HSDL2: variants seen among roughly 807,000 people sequenced by gnomAD.
HSDL2 encodes hydroxysteroid dehydrogenase like 2, also known as hydroxysteroid dehydrogenase-like protein 2.
HSDL2 carries 27 observed loss-of-function variants against 46.3 expected under a neutral mutation model. The observed-to-expected ratio is 0.58, with a 90% CI of 0.43 to 0.80. The LOEUF (loss-of-function observed/expected upper bound fraction) is 0.80. Among genes scored for constraint, HSDL2 ranks in the 30% least tolerant of loss-of-function variants. The pLI, the probability that HSDL2 is intolerant of heterozygous loss-of-function variation, is 0.00. For missense variants in HSDL2, 451 were observed against 502.7 expected (o/e 0.90, Z 0.98); for synonymous variants, 153 against 163.6 (o/e 0.94, Z 0.50).
rs71382431 is a variant in HSDL2, at chr9:112,442,268, C to CA, written c.865+524dup. Among the ~76,000 whole-genome samples, 239 of 47,408 alleles carry CA rather than the reference C, an allele frequency of 5.0e-3. 11 individuals carry two copies. Among genetic ancestry groups the CA allele is most frequent in the Middle Eastern group, 0.033 (3 of 90 alleles). 31.1% of individuals were successfully genotyped at this position (47,408 alleles called of 152,430 possible). ...TGGGTGACAGAGCAAGACCCTGTCT[C>CA]AAAAAAAAAAAAAAAAAAAAAAAAA... is the stretch of plus-strand genomic sequence containing the variant. On this transcript the variant is annotated intron_variant, in intron 8 of 10. Coordinates refer to ENST00000398805, the MANE Select transcript of HSDL2 (RefSeq NM_032303.5).
At chr9:112,423,738 CAG>C (rs1424874953) in intron 6 of HSDL2, among the ~76,000 whole-genome samples, 2 of 149,914 alleles carry the variant, frequency 1.3e-5, no homozygotes, top group Non-Finnish European at 3.0e-5. Flanking sequence ...TTTTTTGAGA[CAG>C]AGTCTCACTC....
intron 8 of HSDL2, among the ~76,000 whole-genome samples, chr9:112,446,987 G>T (rs1007188434): frequency 3.3e-5 from 5 of 152,148 alleles, no homozygotes; most frequent in Non-Finnish European, 7.4e-5. Context: ...CTTTCATGAG[G>T]GAAAGCACAG....
At chr9:112,431,562 C>G (rs1472419436) in intron 6 of HSDL2, among the ~76,000 whole-genome samples, 2 of 152,100 alleles carry the variant, frequency 1.3e-5, no homozygotes, top group Non-Finnish European at 2.9e-5. Context: ...GAGGTGGGGT[C>G]TGGTGGGAGG....
chr9:112,407,222 A>G (rs1831751719), intron 3 of HSDL2, among the ~76,000 whole-genome samples: 1 of 152,182 alleles, frequency 6.6e-6, no homozygotes, highest in African/African-American at 2.4e-5. Context: ...TGTCCAACTG[A>G]TAGGGCGCTA....
intron 1 of HSDL2, among the ~76,000 whole-genome samples, chr9:112,385,941 A>T (rs529598327): frequency 2.8e-5 from 4 of 144,260 alleles, no homozygotes; most frequent in Admixed American, 1.4e-4. Context: ...TTTTAATTTA[A>T]TTTTTTTTTT....
intron 6 of HSDL2, 96 bp from the exon 7 acceptor site, chr9:112,438,335 T>C: frequency 1.2e-6 from 1 of 810,648 alleles, no homozygotes; most frequent in South Asian, 3.7e-5. Context: ...GGATTAGCCT[T>C]GATAATTGTG....
chr9:112,388,884 T>C (rs1289203609), intron 1 of HSDL2, among the ~76,000 whole-genome samples: 1 of 151,800 alleles, frequency 6.6e-6, no homozygotes, highest in East Asian at 1.9e-4. Context: ...TAAAGAGATA[T>C]GTCAATTAAA....
chr9:112,455,328 T>C (rs537890817), intron 9 of HSDL2, among the ~76,000 whole-genome samples: 1 of 152,318 alleles, frequency 6.6e-6, no homozygotes, highest in South Asian at 2.1e-4. Context: ...ACCTTTTTTA[T>C]TCTTCGTCCT....
chr9:112,384,184 T>G (rs1831170752), intron 1 of HSDL2, among the ~76,000 whole-genome samples: 1 of 152,236 alleles, frequency 6.6e-6, no homozygotes, highest in Admixed American at 6.5e-5. Context: ...TACTAAAAAT[T>G]TCAGTACTTT....
At chr9:112,422,520 C>A (rs377252932) in intron 6 of HSDL2, among the ~76,000 whole-genome samples, 10 of 152,168 alleles carry the variant, frequency 6.6e-5, no homozygotes, top group African/African-American at 2.4e-4. Context: ...TTGAGTAACA[C>A]CTGGGTAAGC....
At chr9:112,459,363 GTAAGATTATTCTAATTGAAGTAATTAT>G (rs1207843325) in intron 9 of HSDL2, 59 bp from the exon 10 acceptor site, 2 of 1,429,992 alleles carry the variant, frequency 1.4e-6, no homozygotes, top group African/African-American at 2.9e-5. Flanking sequence ...ACAGCATTTT[GTAAGATTATTCTAATTGAAGTAATTAT>G]TAAATTTAAG....
intron 3 of HSDL2, among the ~76,000 whole-genome samples, chr9:112,406,166 G>GA (rs201966255): frequency 3.2e-4 from 37 of 117,160 alleles, no homozygotes; most frequent in East Asian, 4.8e-4. Context: ...GTCTCAAAAA[G>GA]AAAAAAAAAA....
intron 8 of HSDL2, among the ~76,000 whole-genome samples, chr9:112,446,097 A>G (rs1832753626): frequency 7.6e-6 from 1 of 131,624 alleles, no homozygotes; most frequent in South Asian, 2.7e-4. Context: ...TATTTTTTTC[A>G]TAGGCATCAG....
chr9:112,433,944 T>C (rs967966604), intron 6 of HSDL2: 1 of 152,364 alleles, frequency 6.6e-6, no homozygotes, highest in South Asian at 2.1e-4. Context: ...ACTGACTTCA[T>C]TGCTCCTCCT....
chr9:112,431,765 C>T (rs1292872231), intron 6 of HSDL2, among the ~76,000 whole-genome samples: 2 of 152,140 alleles, frequency 1.3e-5, no homozygotes, highest in Admixed American at 6.5e-5. Flanking sequence ...ACAAGCTCCC[C>T]AAGGCCTCCC....
chr9:112,457,291 G>A (rs1833060697), intron 9 of HSDL2, among the ~76,000 whole-genome samples: 1 of 152,220 alleles, frequency 6.6e-6, no homozygotes, highest in Non-Finnish European at 1.5e-5. Context: ...AGAAGGCAGA[G>A]AAACAAGCTG....
At chr9:112,459,007 A>AAAAAAAC (rs1267746993) in intron 9 of HSDL2, among the ~76,000 whole-genome samples, 8 of 534 alleles carry the variant, frequency 0.015, no homozygotes, top group African/African-American at 0.036. Context: ...AAAAGAAAAC[A>AAAAAAAC]AAAAACAAAA....
chr9:112,380,708 C>T (rs922892402), intron 1 of HSDL2, among the ~76,000 whole-genome samples: 2 of 151,930 alleles, frequency 1.3e-5, no homozygotes, highest in African/African-American at 4.8e-5. Context: ...CGTACAAAAT[C>T]TGCCATCTTA....
At position 112,471,135 on chromosome 9, in the gene HSDL2, TTGC is replaced by T. The variant is rs1554716918; in HGVS notation, c.*595_*597del. On this transcript the variant is annotated 3_prime_UTR_variant, in exon 11 of 11. Transcript: ENST00000398805. ...AATATTACTAATGTAATTTAACAAA[TTGC>T]TGCATGTATTCCATTTAAAAATATG... is the stretch of plus-strand genomic sequence containing the variant. 6.6e-6 allele frequency: 1 copy of T among 152,212 alleles called. No homozygotes were observed. The highest frequency in any genetic ancestry group is 1.5e-5 in the Non-Finnish European group (1 of 68,052). 9.4% of individuals were successfully genotyped at this position (152,212 alleles called of 1,614,324 possible).
Sources: allele counts gnomAD v4.1 joint callset (sites outside exome capture counted in the v4.1 genomes callset), GRCh38; gene constraint gnomAD v4.1.1; transcripts MANE v1.5; gene names NCBI Gene and HGNC (gene_info 2026-07-23, HGNC 2026-07-21).